The following DCC variants were observed in gnomAD, a reference collection of about 807,000 sequenced individuals.
DCC encodes netrin receptor DCC.
Under a neutral mutation model 172.5 loss-of-function variants are expected in DCC, and 58 were observed. That is an observed-to-expected ratio of 0.34 (90% CI 0.27 to 0.42). The LOEUF (loss-of-function observed/expected upper bound fraction) is 0.42. Ranked by LOEUF, DCC falls within the 10% of genes least tolerant of loss-of-function variation. The pLI, the probability that DCC is intolerant of heterozygous loss-of-function variation, is 1.00. For synonymous variants in DCC, 709 were observed against 644.5 expected (o/e 1.10, Z -1.52); for missense variants, 1,740 against 1,791.0 (o/e 0.97, Z 0.51).
chr18:53,197,421 T>TG (rs1598896614), intron 9 of DCC, among the ~76,000 whole-genome samples: 5 of 142,534 alleles, frequency 3.5e-5, no homozygotes, highest in Admixed American at 2.8e-4. Context: ...TTATTTTAGT[T>TG]TTTTTTTTTT....
chr18:53,022,669 T>C (rs1270365919), intron 5 of DCC, among the ~76,000 whole-genome samples: 1 of 151,994 alleles, frequency 6.6e-6, no homozygotes, highest in Non-Finnish European at 1.5e-5. Flanking sequence ...GTGTCACTAG[T>C]ATGCAGATTA....
intron 2 of DCC, among the ~76,000 whole-genome samples, chr18:52,870,114 G>A (rs1209666016): frequency 6.6e-6 from 1 of 152,178 alleles, no homozygotes; most frequent in Non-Finnish European, 1.5e-5. Context: ...AGGCTCTCGG[G>A]GGTGGGGCTC....
chr18:52,643,141 A>G (rs1410186327), intron 1 of DCC, among the ~76,000 whole-genome samples: 1 of 152,236 alleles, frequency 6.6e-6, no homozygotes, highest in Non-Finnish European at 1.5e-5. Context: ...GCTTCAAAAA[A>G]GGGAGAAAAA....
chr18:53,073,552 G>A (rs2042684442), intron 7 of DCC, among the ~76,000 whole-genome samples: 1 of 151,490 alleles, frequency 6.6e-6, no homozygotes. Context: ...TAATAATGAA[G>A]AATAAAAAAA....
chr18:52,355,816 G>C (rs7241478), intron 1 of DCC, among the ~76,000 whole-genome samples: 2,792 of 152,218 alleles, frequency 0.018, 68 homozygotes, highest in African/African-American at 0.064. Context: ...TGCAGTTAGA[G>C]GAGAGAAACA....
In DCC at chr18:53,416,162, G is replaced by A. The variant is rs769241240; in HGVS notation, c.3163+6G>A. On this transcript the variant is annotated splice_donor_region_variant and intron_variant, in intron 21 of 28. Transcript: ENST00000442544. ...CAAAATGGCTAATGACCAAGGTATG[G>A]TGGCTCAATCTGTCATTTTGTGTTC... The A allele has an allele frequency of 6.2e-7, 1 of 1,602,468 alleles. No homozygotes were observed. Among genetic ancestry groups the A allele is most frequent in the African/African-American group, 1.3e-5 (1 of 74,614 alleles).
chr18:53,019,993 G>C (rs2041857206), intron 5 of DCC, among the ~76,000 whole-genome samples: 1 of 152,090 alleles, frequency 6.6e-6, no homozygotes, highest in Non-Finnish European at 1.5e-5. Context: ...GCCACATGCA[G>C]GTAAACTAAA....
intron 21 of DCC, among the ~76,000 whole-genome samples, chr18:53,430,714 T>C (rs1911558945): frequency 6.6e-6 from 1 of 152,160 alleles, no homozygotes; most frequent in Non-Finnish European, 1.5e-5. Context: ...TTTGTACTTA[T>C]TATTAAAACA....
At chr18:52,822,849 A>G (rs2038431673) in intron 2 of DCC, among the ~76,000 whole-genome samples, 2 of 152,240 alleles carry the variant, frequency 1.3e-5, no homozygotes, top group Admixed American at 6.5e-5. Flanking sequence ...ATATTTTTAT[A>G]GATGCCTAAG....
chr18:52,624,945 T>C (rs983307430), intron 1 of DCC, among the ~76,000 whole-genome samples: 1 of 152,184 alleles, frequency 6.6e-6, no homozygotes, highest in African/African-American at 2.4e-5. Context: ...CATTAGGTGA[T>C]TTGGTTGTTG....
At chr18:53,228,649 G>A (rs1016529143) in intron 12 of DCC, among the ~76,000 whole-genome samples, 3 of 152,060 alleles carry the variant, frequency 2.0e-5, no homozygotes, top group African/African-American at 7.2e-5. Flanking sequence ...AGAAGGTTGG[G>A]CATTTTCTGA....
At chr18:52,689,160 G>A (rs2035888974) in intron 1 of DCC, among the ~76,000 whole-genome samples, 1 of 152,076 alleles carries the variant, frequency 6.6e-6, no homozygotes, top group African/African-American at 2.4e-5. Context: ...GCACTGGGGA[G>A]GAGCTTGGAC....
intron 5 of DCC, among the ~76,000 whole-genome samples, chr18:53,058,174 A>G (rs6508193): frequency 0.68 from 103,642 of 152,002 alleles, 37,327 homozygotes; most frequent in African/African-American, 0.9. Flanking sequence ...GTAAAATAAA[A>G]CAATTATATT....
intron 12 of DCC, among the ~76,000 whole-genome samples, chr18:53,281,935 T>A (rs948301184): frequency 1.3e-5 from 2 of 152,038 alleles, no homozygotes; most frequent in African/African-American, 4.8e-5. Context: ...AAGTGAGAGA[T>A]CTTGGAGAAT....
At chr18:52,938,521 C>T (rs16955873) in intron 5 of DCC, among the ~76,000 whole-genome samples, 7 of 151,854 alleles carry the variant, frequency 4.6e-5, no homozygotes, top group African/African-American at 1.5e-4. Flanking sequence ...GAGGGGAGCT[C>T]AAGAATCATA....
intron 9 of DCC, among the ~76,000 whole-genome samples, chr18:53,196,339 G>A (rs1372556688): frequency 2.6e-5 from 4 of 152,118 alleles, no homozygotes; most frequent in African/African-American, 7.2e-5. Context: ...GCATTACTAA[G>A]CATTGCTTAT....
intron 1 of DCC, among the ~76,000 whole-genome samples, chr18:52,676,996 G>C (rs2035656553): frequency 6.6e-6 from 1 of 152,050 alleles, no homozygotes; most frequent in Non-Finnish European, 1.5e-5. Context: ...ACTACTTCCT[G>C]TAGAAACTTG....
At chr18:53,437,460 G>T (rs1403531520) in intron 22 of DCC, among the ~76,000 whole-genome samples, 1 of 151,686 alleles carries the variant, frequency 6.6e-6, no homozygotes, top group Non-Finnish European at 1.5e-5. Flanking sequence ...CGCACCTGTA[G>T]TCCCAGGTAC....
At chr18:53,090,604 G>A (rs375088213) in intron 7 of DCC, among the ~76,000 whole-genome samples, 2 of 147,000 alleles carry the variant, frequency 1.4e-5, no homozygotes, top group African/African-American at 5.0e-5. Context: ...TGAGGCAGGA[G>A]AATGGCATGA....
Sources: allele counts gnomAD v4.1 joint callset (sites outside exome capture counted in the v4.1 genomes callset), GRCh38; gene constraint gnomAD v4.1.1; transcripts MANE v1.5; gene names NCBI Gene and HGNC (gene_info 2026-07-23, HGNC 2026-07-21).